Variants in CAST observed in about 807,000 individuals in gnomAD.
The protein encoded by CAST is calpastatin.
A neutral mutation model predicts 119.6 loss-of-function variants in CAST; 76 were observed. The ratio of observed to expected loss-of-function variants is 0.64; its 90% CI spans 0.53 to 0.77. The LOEUF is 0.77. CAST is among the 30% of genes least tolerant of loss of function. The pLI, the probability that CAST is intolerant of heterozygous loss-of-function variation, is 0.00. For missense variants in CAST, 953 were observed against 946.5 expected, an observed-to-expected ratio of 1.01 and a Z score of -0.09; for synonymous variants, 319 against 331.6, an observed-to-expected ratio of 0.96 and a Z score of 0.41.
At chr5:96,408,202 T>A in the CAST span, 1 of 1,565,756 alleles carries the variant, frequency 6.4e-7, no homozygotes, top group Non-Finnish European at 8.8e-7. Flanking sequence ...TAAAGGTGAT[T>A]AGAAGCTTTC....
intron 1 of CAST, among the ~76,000 whole-genome samples, chr5:96,548,670 A>C (rs1307405552): frequency 6.6e-6 from 1 of 152,190 alleles, no homozygotes; most frequent in African/African-American, 2.4e-5. Flanking sequence ...AAGGGGGAAC[A>C]ACCCTAGAAT....
the CAST span, among the ~76,000 whole-genome samples, chr5:96,437,892 A>G: frequency 1.3e-4 from 20 of 152,320 alleles, no homozygotes; most frequent in South Asian, 4.1e-3. Flanking sequence ...AAATGGTTAC[A>G]AAGTCCTTCC....
At chr5:96,165,071 G>A in the CAST span, among the ~76,000 whole-genome samples, 1 of 152,278 alleles carries the variant, frequency 6.6e-6, no homozygotes, top group East Asian at 1.9e-4. Flanking sequence ...AAGATTAGAA[G>A]TGGCTGAGGA....
Position 96,681,954 on chromosome 5 carries a change from A to T in CAST, c.138+6353A>T, listed in dbSNP as rs1003857172. The stretch of plus-strand genomic sequence containing the variant: ...CAGTTACCCACGGTACAATACAATG[A>T]GATATTTTGAGAGAGAGAGACCCCA... On this transcript the variant is annotated intron_variant, in intron 2 of 31. Transcript: ENST00000675179. Among the ~76,000 whole-genome samples the T allele has an allele frequency of 2.9e-5, 4 of 137,486 alleles. No individual in the cohort carries two copies. The South Asian group carries it at 9.2e-4, about 31-fold the overall frequency. The allele number at this position is 137,486 out of a possible 152,430, so 90.2% of individuals were successfully genotyped here. A position where few individuals can be genotyped will look rare whatever the true frequency, so the allele number is the denominator to read the frequency against.
chr5:96,161,304 G>A, the CAST span, among the ~76,000 whole-genome samples: 3 of 151,898 alleles, frequency 2.0e-5, no homozygotes, highest in African/African-American at 7.3e-5. Context: ...TGTGGTAGGT[G>A]GTCCAACTTC....
At chr5:96,654,224 A>C (rs144339049) in intron 1 of CAST, among the ~76,000 whole-genome samples, 4,773 of 151,964 alleles carry the variant, frequency 0.031, 254 homozygotes, top group African/African-American at 0.11. Context: ...ACAGGATTTC[A>C]CCATATTGGC....
At chr5:96,644,008 T>C (rs111582382) in intron 1 of CAST, among the ~76,000 whole-genome samples, 6 of 151,960 alleles carry the variant, frequency 3.9e-5, no homozygotes, top group South Asian at 4.2e-4. Flanking sequence ...ATCATGCCAC[T>C]GCACTCCAGC....
chr5:96,322,161 C>T, the CAST span, among the ~76,000 whole-genome samples: 5 of 152,018 alleles, frequency 3.3e-5, no homozygotes, highest in African/African-American at 1.2e-4. Flanking sequence ...TGGTGGTCTA[C>T]TCTTGGAATT....
At chr5:96,217,221 TA>T in the CAST span, among the ~76,000 whole-genome samples, 14 of 149,584 alleles carry the variant, frequency 9.4e-5, no homozygotes, top group South Asian at 4.3e-4. Flanking sequence ...TTTTTTTTTT[TA>T]TAGAGATGAG....
the CAST span, among the ~76,000 whole-genome samples, chr5:96,361,461 G>A: frequency 3.3e-5 from 5 of 152,200 alleles, no homozygotes; most frequent in African/African-American, 1.2e-4. Flanking sequence ...ACCTGGTGGT[G>A]TAGGTACCCA....
At chr5:96,379,411 C>T in the CAST span, among the ~76,000 whole-genome samples, 3 of 152,088 alleles carry the variant, frequency 2.0e-5, no homozygotes, top group African/African-American at 7.2e-5. Flanking sequence ...AAAACGTTTC[C>T]CAGGTTTCTA....
the CAST span, among the ~76,000 whole-genome samples, chr5:96,398,523 ATATC>A: frequency 6.6e-6 from 1 of 152,226 alleles, no homozygotes. Flanking sequence ...TGTTTCGGAT[ATATC>A]TGTGAGTTTG....
At chr5:96,458,718 A>T in the CAST span, among the ~76,000 whole-genome samples, 54,326 of 151,910 alleles carry the variant, frequency 0.36, 10,008 homozygotes, top group Middle Eastern at 0.45. Flanking sequence ...TAATCTTTAA[A>T]GTCCTTGATT....
upstream of CAST, among the ~76,000 whole-genome samples, chr5:96,526,202 A>G (rs777746204): frequency 6.6e-6 from 1 of 152,232 alleles, no homozygotes; most frequent in Non-Finnish European, 1.5e-5. Flanking sequence ...TTTTGTATGT[A>G]TCCATGGCAG....
chr5:96,447,563 CA>C, the CAST span, among the ~76,000 whole-genome samples: 1 of 152,238 alleles, frequency 6.6e-6, no homozygotes, highest in South Asian at 2.1e-4. Flanking sequence ...AGAAAATAGA[CA>C]AGGGCAGAAC....
At chr5:96,489,287 T>A in the CAST span, among the ~76,000 whole-genome samples, 312 of 152,342 alleles carry the variant, frequency 2.0e-3, 1 homozygote, top group African/African-American at 7.4e-3. Flanking sequence ...GATCAAAGGA[T>A]GCCTGAAGAG....
At chr5:96,352,297 C>A in the CAST span, among the ~76,000 whole-genome samples, 2 of 152,076 alleles carry the variant, frequency 1.3e-5, no homozygotes, top group South Asian at 4.1e-4. Flanking sequence ...AAATCAGGAC[C>A]TTACTTTAGT....
At chr5:96,745,395 GT>G (rs1163309087) in intron 16 of CAST, among the ~76,000 whole-genome samples, 3 of 152,140 alleles carry the variant, frequency 2.0e-5, no homozygotes, top group Non-Finnish European at 2.9e-5. Flanking sequence ...CATTTGTTTT[GT>G]TTTTTATATT....
At chr5:96,114,290 AC>A in the CAST span, among the ~76,000 whole-genome samples, 1 of 152,172 alleles carries the variant, frequency 6.6e-6, no homozygotes, top group Admixed American at 6.5e-5. Flanking sequence ...AGCAATGTCT[AC>A]AACACCTGGC....
Sources: allele counts gnomAD v4.1 joint callset (sites outside exome capture counted in the v4.1 genomes callset), GRCh38; gene constraint gnomAD v4.1.1; transcripts MANE v1.5; gene names NCBI Gene and HGNC (gene_info 2026-07-23, HGNC 2026-07-21).